Variants in TMEM132B observed in about 807,000 individuals in gnomAD.
The protein encoded by TMEM132B is transmembrane protein 132B.
A neutral mutation model predicts 90.8 loss-of-function variants in TMEM132B; 18 were observed. The ratio of observed to expected loss-of-function variants is 0.20; its 90% CI spans 0.14 to 0.29. TMEM132B has a LOEUF of 0.29. Among genes scored for constraint, TMEM132B ranks in the 10% least tolerant of loss-of-function variants. TMEM132B has a pLI of 1.00. For missense variants in TMEM132B, 1,096 were observed against 1,326.8 expected, an observed-to-expected ratio of 0.83 and a Z score of 2.70; for synonymous variants, 504 against 523.3, an observed-to-expected ratio of 0.96 and a Z score of 0.50.
chr12:125,644,492 T>C (rs867312188), intron 6 of TMEM132B, among the ~76,000 whole-genome samples: 19 of 152,144 alleles, frequency 1.2e-4, no homozygotes, highest in South Asian at 2.1e-4. Context: ...ATAATAATAA[T>C]AGTAACAACC....
intron 2 of TMEM132B, among the ~76,000 whole-genome samples, chr12:125,389,239 G>A (rs1223749682): frequency 6.6e-6 from 1 of 152,098 alleles, no homozygotes; most frequent in African/African-American, 2.4e-5. Flanking sequence ...AAAAATTAAA[G>A]CAGGATGTCA....
chr12:125,341,624 G>C (rs1230024858), intron 1 of TMEM132B, among the ~76,000 whole-genome samples: 1 of 152,134 alleles, frequency 6.6e-6, no homozygotes, highest in Non-Finnish European at 1.5e-5. Context: ...ATTTTTATGA[G>C]TATACACAAA....
At chr12:125,412,754 G>A (rs1164945075) in intron 2 of TMEM132B, among the ~76,000 whole-genome samples, 3 of 152,168 alleles carry the variant, frequency 2.0e-5, no homozygotes, top group Non-Finnish European at 4.4e-5. Context: ...TATGGCTCTG[G>A]AACATTCTCT....
chr12:125,269,765 C>T (rs1301116411), intron 1 of TMEM132B, among the ~76,000 whole-genome samples: 2 of 152,054 alleles, frequency 1.3e-5, no homozygotes, highest in East Asian at 1.9e-4. Flanking sequence ...GTGTATTTCC[C>T]TCTCATATAC....
chr12:125,304,150 C>A (rs1245939690), intron 1 of TMEM132B, among the ~76,000 whole-genome samples: 1 of 152,182 alleles, frequency 6.6e-6, no homozygotes, highest in African/African-American at 2.4e-5. Flanking sequence ...GGTTTGTGCT[C>A]CTATGAGAAT....
At chr12:125,560,489 T>G (rs1338596227) in intron 4 of TMEM132B, among the ~76,000 whole-genome samples, 1 of 151,980 alleles carries the variant, frequency 6.6e-6, no homozygotes, top group African/African-American at 2.4e-5. Flanking sequence ...AAAACTACAA[T>G]CAGATAGCAT....
At chr12:125,367,701 G>T (rs1422625288) in intron 2 of TMEM132B, among the ~76,000 whole-genome samples, 1 of 152,130 alleles carries the variant, frequency 6.6e-6, no homozygotes, top group Non-Finnish European at 1.5e-5. Flanking sequence ...TCTGAGTATG[G>T]ACTCCCCTCC....
rs1209816681 is a variant in TMEM132B at position 125,186,938 on chromosome 12, CCTT to C, written c.67+75_67+77del. ...AAGTTGGGTGAACGGGCGGCTACCTCCTTCTCAAGTCCCTGGCAGCGCGCATCT... is the reference window on the plus strand; with the variant it reads ...AAGTTGGGTGAACGGGCGGCTACCTCCTCAAGTCCCTGGCAGCGCGCATCT... On this transcript the variant is annotated intron_variant, in intron 1 of 8. Coordinates refer to ENST00000682704, the MANE Select transcript of TMEM132B (RefSeq NM_001366854.1). The surrounding 1 kb of genome is among the most constrained non-coding windows in gnomAD (Gnocchi z 6.3). 4 of 152,432 alleles carry C rather than the reference CCTT, an allele frequency of 2.6e-5. No individual in the cohort carries two copies. The highest frequency in any genetic ancestry group is 1.3e-4 in the Admixed American group (2 of 15,300). 9.4% of individuals were successfully genotyped at this position (152,432 alleles called of 1,614,324 possible). A position where few individuals can be genotyped will look rare whatever the true frequency, so the allele number is the denominator to read the frequency against.
At chr12:125,314,943 TC>T (rs1169559358) in intron 1 of TMEM132B, among the ~76,000 whole-genome samples, 1 of 152,192 alleles carries the variant, frequency 6.6e-6, no homozygotes, top group Non-Finnish European at 1.5e-5. Flanking sequence ...GGGGGCACTG[TC>T]CTGTCTACAC....
At chr12:125,307,813 A>ATTGCAAGTATATAT (rs1204474958) in intron 1 of TMEM132B, among the ~76,000 whole-genome samples, 2 of 22,084 alleles carry the variant, frequency 9.1e-5, no homozygotes, top group Non-Finnish European at 1.0e-4. Context: ...ATATACTTAT[A>ATTGCAAGTATATAT]ATACTTATAA....
chr12:125,279,785 T>C (rs1180099331), intron 1 of TMEM132B, among the ~76,000 whole-genome samples: 2 of 152,178 alleles, frequency 1.3e-5, no homozygotes, highest in Non-Finnish European at 2.9e-5. Context: ...AGAGTGGTCT[T>C]GAGAAACCCT....
chr12:125,561,532 A>G (rs1231859535), intron 4 of TMEM132B, among the ~76,000 whole-genome samples: 2 of 152,194 alleles, frequency 1.3e-5, no homozygotes, highest in Admixed American at 6.5e-5. Context: ...AAAAAATTAA[A>G]AAAAGAAATG....
intron 4 of TMEM132B, among the ~76,000 whole-genome samples, chr12:125,552,808 C>G (rs1884268524): frequency 6.6e-6 from 1 of 152,222 alleles, no homozygotes; most frequent in Non-Finnish European, 1.5e-5. Context: ...TGTAATGTGT[C>G]AGTAGATGAA....
At chr12:125,275,333 T>C (rs909005128) in intron 1 of TMEM132B, among the ~76,000 whole-genome samples, 10 of 152,222 alleles carry the variant, frequency 6.6e-5, no homozygotes, top group African/African-American at 2.4e-4. Flanking sequence ...TTCTTCTTCA[T>C]AGGACCAGTG....
intron 1 of TMEM132B, among the ~76,000 whole-genome samples, chr12:125,314,325 G>C (rs186584482): frequency 6.0e-4 from 91 of 152,332 alleles, no homozygotes; most frequent in East Asian, 1.7e-3. Flanking sequence ...CTCCTCCAGA[G>C]TAATTGGAGG....
rs10846869 is a variant in TMEM132B at position 125,310,343 on chromosome 12, G to C, written c.68-39109G>C. Among the ~76,000 whole-genome samples, 4,275 of 152,318 alleles carry C rather than the reference G, an allele frequency of 0.028. 431 individuals are homozygous for C. In the East Asian group the frequency reaches 0.29, roughly 10 times the overall value. ...GGGAGACCCGGACAGAGGTGGTGGT[G>C]TGGATGGTGGCTGGGAATTATAGCA... On this transcript the variant is annotated intron_variant, in intron 1 of 8. Coordinates refer to ENST00000682704, the MANE Select transcript of TMEM132B (RefSeq NM_001366854.1).
intron 3 of TMEM132B, among the ~76,000 whole-genome samples, chr12:125,472,234 C>G (rs1174718639): frequency 6.6e-6 from 1 of 152,152 alleles, no homozygotes; most frequent in African/African-American, 2.4e-5. Flanking sequence ...ACAGCCACAG[C>G]AGTGCAGGGG....
At chr12:125,370,809 A>C (rs1878271799) in intron 2 of TMEM132B, among the ~76,000 whole-genome samples, 1 of 152,226 alleles carries the variant, frequency 6.6e-6, no homozygotes. Context: ...AGGAAAGGCA[A>C]TGTCTTTCTA....
intron 1 of TMEM132B, among the ~76,000 whole-genome samples, chr12:125,275,097 A>G (rs558945035): frequency 3.3e-5 from 5 of 152,278 alleles, no homozygotes; most frequent in East Asian, 3.9e-4. Flanking sequence ...ACTTTACCCA[A>G]CTTCCTCATT....
Sources: gnomAD v4.1 joint callset for allele counts (sites outside exome capture counted in the v4.1 genomes callset) on GRCh38, gnomAD v4.1.1 for gene constraint, Gnocchi (gnomAD v3.1) non-coding constraint, MANE v1.5 for transcripts, NCBI Gene and HGNC (gene_info 2026-07-23, HGNC 2026-07-21) for gene names.